EPB41L4B: variants seen among roughly 807,000 people sequenced by gnomAD.
EPB41L4B encodes band 4.1-like protein 4B.
EPB41L4B carries 30 observed loss-of-function variants against 112.5 expected under a neutral mutation model. The observed-to-expected ratio is 0.27, with a 90% CI of 0.20 to 0.36. The LOEUF is 0.36. EPB41L4B is among the 10% of genes least tolerant of loss of function. The probability of loss-of-function intolerance (pLI) is 1.00; values close to 1 mark genes in which losing one functional copy is unlikely to be tolerated. For synonymous variants in EPB41L4B, 408 were observed against 439.7 expected, an observed-to-expected ratio of 0.93 and a Z score of 0.90; for missense variants, 1,024 against 1,133.3, an observed-to-expected ratio of 0.90 and a Z score of 1.38.
chr9:109,253,316 T>C, intron 12 of EPB41L4B, 125 bp downstream of exon 12: 2 of 675,236 alleles, frequency 3.0e-6, no homozygotes, highest in East Asian at 2.6e-5. Flanking sequence ...GGGATTATTT[T>C]TCCAAAAGCT....
rs1831663382 is a variant in EPB41L4B at position 109,172,418 on chromosome 9, C to G, written c.*2136G>C. 2 of 152,202 alleles carry G rather than the reference C, an allele frequency of 1.3e-5. No homozygotes were observed. The highest frequency in any genetic ancestry group is 4.8e-5 in the African/African-American group (2 of 41,458). 9.4% of individuals were successfully genotyped at this position (152,202 alleles called of 1,614,324 possible). A position where few individuals can be genotyped will look rare whatever the true frequency, so the allele number is the denominator to read the frequency against. Reference sequence around the variant, plus strand: ...TGCACAAGATAAAGAACAGCTAAAGCTGTTTTAAAAGTATAGCCGGGGGAC... The same window carrying G: ...TGCACAAGATAAAGAACAGCTAAAGGTGTTTTAAAAGTATAGCCGGGGGAC... On this transcript the variant is annotated 3_prime_UTR_variant, in exon 26 of 26. Transcript: ENST00000374566.
At chr9:109,286,205 A>ATGGATGGATGGATGGGTGGATGGATGGG (rs1836273845) in intron 1 of EPB41L4B, among the ~76,000 whole-genome samples, 1 of 148,532 alleles carries the variant, frequency 6.7e-6, no homozygotes, top group Non-Finnish European at 1.5e-5. Context: ...GGATGGATGG[A>ATGGATGGATGGATGGGTGGATGGATGGG]TGGATGGATG....
chr9:109,177,318 C>T (rs1831877837), intron 24 of EPB41L4B, among the ~76,000 whole-genome samples: 1 of 152,156 alleles, frequency 6.6e-6, no homozygotes, highest in African/African-American at 2.4e-5. Flanking sequence ...CCCAAGACCA[C>T]TGGGACCCAA....
chr9:109,185,784 C>T (rs563684885), intron 22 of EPB41L4B, among the ~76,000 whole-genome samples, 179 bp from the exon 23 acceptor site: 6 of 148,010 alleles, frequency 4.1e-5, no homozygotes, highest in African/African-American at 1.5e-4. Context: ...GGCCAACTGG[C>T]TTCTGGTCCC....
intron 1 of EPB41L4B, among the ~76,000 whole-genome samples, chr9:109,316,544 C>G (rs1837641715): frequency 6.6e-6 from 1 of 152,142 alleles, no homozygotes; most frequent in Non-Finnish European, 1.5e-5. Flanking sequence ...CCTGCTCTGA[C>G]CAGACCACAC....
At chr9:109,260,674 C>T (rs1250271989) in intron 6 of EPB41L4B, among the ~76,000 whole-genome samples, 4 of 152,180 alleles carry the variant, frequency 2.6e-5, no homozygotes, top group Non-Finnish European at 5.9e-5. Context: ...CTCGGCCTCC[C>T]GAAGTGCTGG....
intron 1 of EPB41L4B, among the ~76,000 whole-genome samples, chr9:109,314,547 C>G (rs1757725914): frequency 6.6e-6 from 1 of 151,736 alleles, no homozygotes; most frequent in South Asian, 2.1e-4. Context: ...TTAACACTGA[C>G]AAATCCAGCA....
intron 15 of EPB41L4B, among the ~76,000 whole-genome samples, chr9:109,226,792 TGA>T (rs1833796319): frequency 6.8e-6 from 1 of 146,812 alleles, no homozygotes; most frequent in Non-Finnish European, 1.5e-5. Flanking sequence ...AGAATATATA[TGA>T]AGAATATATA....
intron 2 of EPB41L4B, among the ~76,000 whole-genome samples, chr9:109,272,449 G>T (rs1835659716): frequency 6.7e-6 from 1 of 148,654 alleles, no homozygotes; most frequent in African/African-American, 2.5e-5. Context: ...GTGACAATAA[G>T]ACCCTGTGTA....
At chr9:109,233,033 G>A (rs1211283785) in intron 15 of EPB41L4B, among the ~76,000 whole-genome samples, 1 of 152,170 alleles carries the variant, frequency 6.6e-6, no homozygotes, top group Non-Finnish European at 1.5e-5. Flanking sequence ...AACACCTCTT[G>A]CTTTTGAGGT....
At chr9:109,272,115 C>T (rs970451791) in intron 2 of EPB41L4B, among the ~76,000 whole-genome samples, 2 of 152,108 alleles carry the variant, frequency 1.3e-5, no homozygotes, top group Non-Finnish European at 2.9e-5. Context: ...GTCTGAGTGA[C>T]GAAACTCATA....
chr9:109,222,596 C>T (rs1833618375), intron 15 of EPB41L4B, among the ~76,000 whole-genome samples: 1 of 152,232 alleles, frequency 6.6e-6, no homozygotes, highest in Non-Finnish European at 1.5e-5. Context: ...CTGCTGCACA[C>T]TCAACATCAC....
intron 18 of EPB41L4B, among the ~76,000 whole-genome samples, chr9:109,205,922 T>A (rs1333694345): frequency 6.6e-6 from 1 of 152,206 alleles, no homozygotes; most frequent in Admixed American, 6.6e-5. Flanking sequence ...TTGAAACTTG[T>A]GTTCTACATC....
intron 1 of EPB41L4B, among the ~76,000 whole-genome samples, chr9:109,291,715 G>A (rs771724634): frequency 3.3e-5 from 5 of 152,176 alleles, no homozygotes; most frequent in African/African-American, 4.8e-5. Flanking sequence ...CTTGGTGTGC[G>A]AGTCCGTGGA....
chr9:109,252,176 G>T (rs1834813246), intron 12 of EPB41L4B, among the ~76,000 whole-genome samples: 1 of 152,168 alleles, frequency 6.6e-6, no homozygotes, highest in South Asian at 2.1e-4. Context: ...GCCACACCAG[G>T]GGGTCCCTCC....
intron 20 of EPB41L4B, among the ~76,000 whole-genome samples, chr9:109,197,824 A>AC (rs1233896458): frequency 6.6e-6 from 1 of 151,624 alleles, no homozygotes; most frequent in Non-Finnish European, 1.5e-5. Flanking sequence ...TGTATCAAAA[A>AC]AAAAAAAAAA....
Position 109,280,231 on chromosome 9 carries a change from T to C in EPB41L4B, c.307-310A>G, listed in dbSNP as rs537170168. On this transcript the variant is annotated intron_variant, in intron 1 of 25. Coordinates refer to ENST00000374566, the MANE Select transcript of EPB41L4B (RefSeq NM_019114.5). Reference sequence around the variant, plus strand: ...TAAGCTTTGCCAAAATCAGACACACTTGAAGAAGGGTGTAACAGGGCCTTA... The same window carrying C: ...TAAGCTTTGCCAAAATCAGACACACCTGAAGAAGGGTGTAACAGGGCCTTA... 4.6e-5 allele frequency among the ~76,000 whole-genome samples: 7 copies of C among 152,294 alleles called. No homozygotes were observed. In the South Asian group the frequency reaches 1.2e-3, roughly 27 times the overall value.
rs765526121 is a variant in EPB41L4B, at chr9:109,255,798, G to A, written c.975C>T (p.Leu325=). ...KMDFKKSKLT[L]VVVEDDDQGR... ...CCTGATCATCATCCTCGACCACCAC[G>A]AGTGTCAATTTGCTCTTTTTAAAAT... The change falls in exon 10 of 26, where the codon CTC becomes CTT. Residue 325 remains leucine, a synonymous_variant. Coordinates refer to ENST00000374566, the MANE Select transcript of EPB41L4B (RefSeq NM_019114.5). 39 of 1,613,726 alleles carry A rather than the reference G, an allele frequency of 2.4e-5. No homozygotes were observed. The highest frequency in any genetic ancestry group is 3.1e-5 in the Non-Finnish European group (36 of 1,179,990).
intron 1 of EPB41L4B, among the ~76,000 whole-genome samples, chr9:109,311,423 T>C (rs1837408775): frequency 6.6e-6 from 1 of 152,080 alleles, no homozygotes; most frequent in Non-Finnish European, 1.5e-5. Context: ...AACCAGGCAG[T>C]TGGCATCCTC....
Sources: gnomAD v4.1 joint callset for allele counts (sites outside exome capture counted in the v4.1 genomes callset) on GRCh38, gnomAD v4.1.1 for gene constraint, MANE v1.5 for transcripts, NCBI Gene and HGNC (gene_info 2026-07-23, HGNC 2026-07-21) for gene names.